The following TENT4B variants were observed in gnomAD, a reference collection of about 807,000 sequenced individuals.
TENT4B encodes the protein terminal nucleotidyltransferase 4B.
Under a neutral mutation model 75.0 loss-of-function variants are expected in TENT4B, and 10 were observed. The ratio of observed to expected loss-of-function variants is 0.13; its 90% CI spans 0.08 to 0.23. The LOEUF (loss-of-function observed/expected upper bound fraction) is 0.23. Among genes scored for constraint, TENT4B ranks in the 10% least tolerant of loss-of-function variants. TENT4B has a pLI of 1.00. For synonymous variants in TENT4B, 350 were observed against 357.7 expected (o/e 0.98, Z 0.24); for missense variants, 579 against 893.8 (o/e 0.65, Z 4.49).
upstream of TENT4B, chr16:50,152,937 G>A (rs1019881665): frequency 2.0e-6 from 3 of 1,501,966 alleles, no homozygotes; most frequent in African/African-American, 2.9e-5. Flanking sequence ...TCCCTGCGGG[G>A]CGGGCGGCAA....
chr16:50,199,953 A>C (rs1218204435), intron 1 of TENT4B, among the ~76,000 whole-genome samples: 1 of 152,218 alleles, frequency 6.6e-6, no homozygotes, highest in African/African-American at 2.4e-5. Flanking sequence ...ATTATGAATA[A>C]GGCTGCTGTA....
intron 1 of TENT4B, among the ~76,000 whole-genome samples, chr16:50,170,798 C>G (rs1002470319): frequency 4.6e-5 from 7 of 152,088 alleles, no homozygotes; most frequent in African/African-American, 1.7e-4. Context: ...TCCTGAGTAG[C>G]TGGGACTACA....
Position 50,233,728 on chromosome 16 carries a change from A to C in TENT4B, c.*4400A>C, listed in dbSNP as rs1389594700. 3 of 985,128 alleles carry C rather than the reference A, an allele frequency of 3.0e-6. No individual in the cohort carries two copies. Among genetic ancestry groups the C allele is most frequent in the Non-Finnish European group, 1.2e-6 (1 of 829,854 alleles). The allele number at this position is 985,128 out of a possible 1,614,324, so 61.0% of individuals were successfully genotyped here. On this transcript the variant is annotated 3_prime_UTR_variant, in exon 12 of 12. Coordinates refer to ENST00000561678, the MANE Select transcript of TENT4B (RefSeq NM_001365324.3). The stretch of plus-strand genomic sequence containing the variant: ...TGTTTGGCCTTTACATTTTCTACTT[A>C]AGTGTGTACTTTATTGAGTTTAACC...
chr16:50,232,780 A>T lies in TENT4B; in HGVS notation c.*3452A>T. 1.0e-6 allele frequency: 1 copy of T among 985,174 alleles called. No homozygotes were observed. Among genetic ancestry groups the T allele is most frequent in the Non-Finnish European group, 1.2e-6 (1 of 829,684 alleles). The allele number at this position is 985,174 out of a possible 1,614,324, so 61.0% of individuals were successfully genotyped here. A position where few individuals can be genotyped will look rare whatever the true frequency, so the allele number is the denominator to read the frequency against. ...GTTGCTGATACTTTTATTGGTCATG[A>T]CTACATCTCAGTTTTACTTTAATAT... On this transcript the variant is annotated 3_prime_UTR_variant, in exon 12 of 12. Coordinates refer to ENST00000561678, the MANE Select transcript of TENT4B (RefSeq NM_001365324.3).
At chr16:50,177,530 A>G (rs1333662394) in intron 1 of TENT4B, among the ~76,000 whole-genome samples, 1 of 152,016 alleles carries the variant, frequency 6.6e-6, no homozygotes, top group Non-Finnish European at 1.5e-5. Flanking sequence ...GTCCTTCATA[A>G]TATTTCTTTG....
rs1415105717 is a variant in TENT4B, at chr16:50,234,034, G to C, written c.*4706G>C. 1 of 985,314 alleles carries C rather than the reference G, an allele frequency of 1.0e-6. No individual in the cohort carries two copies. The highest frequency in any genetic ancestry group is 1.2e-6 in the Non-Finnish European group (1 of 829,944). The allele number at this position is 985,314 out of a possible 1,614,324, so 61.0% of individuals were successfully genotyped here. On this transcript the variant is annotated 3_prime_UTR_variant, in exon 12 of 12. Coordinates refer to ENST00000561678, the MANE Select transcript of TENT4B (RefSeq NM_001365324.3). ...GCTACCTTTCACTACACCAGCTTCT[G>C]TGTGGCCTGGTAACATGGAAGGTCT...
chr16:50,164,155 CT>C (rs1247302713), intron 1 of TENT4B, among the ~76,000 whole-genome samples: 1 of 151,442 alleles, frequency 6.6e-6, no homozygotes, highest in African/African-American at 2.4e-5. Flanking sequence ...GAAACTTCAT[CT>C]CAAAAAAAAT....
chr16:50,210,036 C>T (rs1248122328), intron 1 of TENT4B, among the ~76,000 whole-genome samples: 1 of 152,090 alleles, frequency 6.6e-6, no homozygotes, highest in African/African-American at 2.4e-5. Context: ...CCTTCCTTAC[C>T]ACTGCTGTGC....
Position 50,224,761 on chromosome 16 carries a change from T to C in TENT4B, c.1486T>C (p.Tyr496His). The C allele has an allele frequency of 6.2e-7, 1 of 1,614,048 alleles. No individual in the cohort carries two copies. The highest frequency in any genetic ancestry group is 8.5e-7 in the Non-Finnish European group (1 of 1,179,898). The change falls in exon 8 of 12, where the codon TAT (tyrosine) becomes CAT (histidine). Residue 496 changes from tyrosine to histidine, a missense_variant. Transcript: ENST00000561678. ...TGCTGTATCACCAATAGCAAAGTAC[T>C]ATCCCAACAATGAAACAGAAAGGTA... Reference protein sequence around the residue: ...SHAVSPIAKYYPNNETESILG... With the variant: ...SHAVSPIAKYHPNNETESILG...
rs549530584 is a variant in TENT4B, at chr16:50,154,464, C to T, written c.638+205C>T. Among the ~76,000 whole-genome samples the T allele has an allele frequency of 2.5e-4, 38 of 152,136 alleles. 1 individual carries two copies. The highest frequency in any genetic ancestry group is 1.2e-3 in the Admixed American group (19 of 15,284). ...AGCCTCCTTAGCCGTCCACACCCTCCGTCTCCTGTCCTCCCTTAGTCGTCC... is the reference window on the plus strand; with the variant it reads ...AGCCTCCTTAGCCGTCCACACCCTCTGTCTCCTGTCCTCCCTTAGTCGTCC... On this transcript the variant is annotated intron_variant, in intron 1 of 11. Coordinates refer to ENST00000561678, the MANE Select transcript of TENT4B (RefSeq NM_001365324.3).
Position 50,220,958 on chromosome 16 carries a change from A to T in TENT4B, c.1039-1348A>T, listed in dbSNP as rs888250621. Among the ~76,000 whole-genome samples the T allele has an allele frequency of 3.9e-5, 6 of 152,250 alleles. No homozygotes were observed. The East Asian group carries it at 5.8e-4, about 15-fold the overall frequency. ...AAGCCATGCGTGTTCATTGTAGGAC[A>T]TCTAGAAAACAGAGATAAGAGTAAA... On this transcript the variant is annotated intron_variant, in intron 5 of 11. Coordinates refer to ENST00000561678, the MANE Select transcript of TENT4B (RefSeq NM_001365324.3).
intron 1 of TENT4B, among the ~76,000 whole-genome samples, chr16:50,170,493 A>G (rs2038185059): frequency 1.3e-5 from 2 of 152,210 alleles, no homozygotes; most frequent in East Asian, 1.9e-4. Context: ...TGTAAAAACT[A>G]TGTAACAAGC....
intron 10 of TENT4B, among the ~76,000 whole-genome samples, chr16:50,227,167 GCAGAAT>G (rs902028720): frequency 6.6e-6 from 1 of 152,192 alleles, no homozygotes; most frequent in African/African-American, 2.4e-5. Context: ...ATCCTCCTGT[GCAGAAT>G]CTCCCTGTGT....
rs2032258345 is a variant in TENT4B, at chr16:50,230,556, A to G, written c.*1228A>G. The G allele has an allele frequency of 1.0e-6, 1 of 976,776 alleles. No homozygotes were observed. Among genetic ancestry groups the G allele is most frequent in the Admixed American group, 6.2e-5 (1 of 16,236 alleles). The allele number at this position is 976,776 out of a possible 1,614,324, so 60.5% of individuals were successfully genotyped here. ...GCTTTTGGTATTGTTGATCTTTACA[A>G]ATTAAATGGTCTTTGATAATGGATC... On this transcript the variant is annotated 3_prime_UTR_variant, in exon 12 of 12. Coordinates refer to ENST00000561678, the MANE Select transcript of TENT4B (RefSeq NM_001365324.3).
At chr16:50,175,560 C>T (rs1417574347) in intron 1 of TENT4B, among the ~76,000 whole-genome samples, 5 of 152,116 alleles carry the variant, frequency 3.3e-5, no homozygotes, top group Admixed American at 2.0e-4. Context: ...TCTCGGCTCA[C>T]TGCAACCTCT....
intron 1 of TENT4B, among the ~76,000 whole-genome samples, chr16:50,175,231 G>T (rs1053835885): frequency 6.6e-6 from 1 of 152,002 alleles, no homozygotes; most frequent in Non-Finnish European, 1.5e-5. Context: ...TTCCGAGTCC[G>T]TGACTTATCT....
intron 5 of TENT4B, among the ~76,000 whole-genome samples, chr16:50,220,769 T>G (rs943223690): frequency 6.6e-6 from 1 of 151,960 alleles, no homozygotes; most frequent in African/African-American, 2.4e-5. Flanking sequence ...CCTCAAGAGA[T>G]CCACCCGCCT....
chr16:50,211,203 C>G, intron 1 of TENT4B, 120 bp from the exon 2 acceptor site: 1 of 1,040,004 alleles, frequency 9.6e-7, no homozygotes, highest in Non-Finnish European at 1.3e-6. Context: ...TGAGTTATAA[C>G]ATTAAAATTA....
chr16:50,199,798 T>G (rs996763760), intron 1 of TENT4B, among the ~76,000 whole-genome samples: 4 of 152,228 alleles, frequency 2.6e-5, no homozygotes, highest in African/African-American at 9.6e-5. Flanking sequence ...CTTCCAAGTT[T>G]TGATAATTTA....
Sources: gnomAD v4.1 joint callset for allele counts (sites outside exome capture counted in the v4.1 genomes callset) on GRCh38, gnomAD v4.1.1 for gene constraint, MANE v1.5 for transcripts, NCBI Gene and HGNC (gene_info 2026-07-23, HGNC 2026-07-21) for gene names.